Variants in DACH2 observed in about 807,000 individuals in gnomAD.
The protein encoded by DACH2 is dachshund family transcription factor 2, also known as dachshund homolog 2.
In DACH2, 17 loss-of-function variants were observed where a neutral mutation model predicts 35.8. The observed-to-expected ratio is 0.48, with a 90% CI of 0.33 to 0.71. The LOEUF (loss-of-function observed/expected upper bound fraction) is 0.71, where lower values mean the gene tolerates loss of function less well. DACH2 is among the 30% of genes least tolerant of loss of function. The pLI is 0.02. For synonymous variants in DACH2, 195 were observed against 177.3 expected, an observed-to-expected ratio of 1.10 and a Z score of -0.79; for missense variants, 469 against 472.7, an observed-to-expected ratio of 0.99 and a Z score of 0.07.
chrX:86,494,840 C>G (rs2038144014), intron 2 of DACH2, among the ~76,000 whole-genome samples: 1 of 111,811 alleles, frequency 8.9e-6, no homozygotes, highest in Admixed American at 9.5e-5. Flanking sequence ...TATAAATATT[C>G]AAAATGGGCA....
At chrX:86,196,770 T>A (rs1447886813) in intron 1 of DACH2, among the ~76,000 whole-genome samples, 3 of 91,104 alleles carry the variant, frequency 3.3e-5, no homozygotes, top group African/African-American at 1.2e-4. Flanking sequence ...GTAAAGAAAC[T>A]AAATCTATGA....
intron 6 of DACH2, among the ~76,000 whole-genome samples, chrX:86,734,460 A>G (rs1275483719): frequency 9.0e-6 from 1 of 111,411 alleles, no homozygotes; most frequent in African/African-American, 3.3e-5. Context: ...TCACTGTTTC[A>G]TAGACTAATG....
At chrX:86,600,474 A>C (rs2039775782) in intron 3 of DACH2, among the ~76,000 whole-genome samples, 1 of 112,100 alleles carries the variant, frequency 8.9e-6, no homozygotes, top group South Asian at 3.7e-4. Context: ...GGGACTATTC[A>C]TGTTTAGGCA....
intron 2 of DACH2, chrX:86,480,881 A>G (rs1397121609): frequency 8.9e-6 from 1 of 112,319 alleles, no homozygotes; most frequent in Non-Finnish European, 1.9e-5. Flanking sequence ...AACACAGTTT[A>G]TACTAAATCA....
rs1288010699 is a variant in DACH2, at chrX:86,254,803, TATATAGAG to T, written c.488+105697_488+105704del. ...ATAAATATATATATATATATATATA[TATATAGAG>T]AGAGAGAGAGAGAGAGAGAGAGAGA... On this transcript the variant is annotated intron_variant, in intron 1 of 11. Transcript: ENST00000373125. Among the ~76,000 whole-genome samples the T allele has an allele frequency of 2.5e-4, 16 of 65,137 alleles. No individual in the cohort carries two copies. In the East Asian group the frequency reaches 3.7e-3, roughly 15 times the overall value. 56.6% of individuals were successfully genotyped at this position (65,137 alleles called of 115,157 possible).
chrX:86,328,434 T>A (rs1428040311), intron 1 of DACH2, among the ~76,000 whole-genome samples: 1 of 111,745 alleles, frequency 8.9e-6, no homozygotes, highest in Non-Finnish European at 1.9e-5. Context: ...TACTCAAAAT[T>A]GATTTTTCAA....
chrX:86,509,459 G>T (rs1231221071), intron 2 of DACH2, among the ~76,000 whole-genome samples: 2 of 111,392 alleles, frequency 1.8e-5, no homozygotes, highest in African/African-American at 3.3e-5. Flanking sequence ...TTGCTGAATT[G>T]GTTGCTGCTG....
chrX:86,261,267 G>A (rs1026582034), intron 1 of DACH2, among the ~76,000 whole-genome samples: 3 of 112,162 alleles, frequency 2.7e-5, no homozygotes, highest in Admixed American at 9.5e-5. Flanking sequence ...ATTAAAACAC[G>A]TTTGCAGTGA....
At chrX:86,389,839 G>A (rs903241168) in intron 2 of DACH2, among the ~76,000 whole-genome samples, 6 of 112,396 alleles carry the variant, frequency 5.3e-5, no homozygotes, top group African/African-American at 1.9e-4. Flanking sequence ...ACGAGCTTAA[G>A]TGTTCTGCGG....
At chrX:86,721,461 A>T (rs751692427) in intron 6 of DACH2, among the ~76,000 whole-genome samples, 4 of 111,646 alleles carry the variant, frequency 3.6e-5, no homozygotes, top group African/African-American at 1.3e-4. Context: ...CACGTTCCCA[A>T]CAAGTTTTTT....
chrX:86,308,846 G>A (rs912354245), intron 1 of DACH2, among the ~76,000 whole-genome samples: 6 of 111,398 alleles, frequency 5.4e-5, no homozygotes, highest in Admixed American at 9.5e-5. Flanking sequence ...TAAAGTAGGG[G>A]CTTATGGAGG....
intron 1 of DACH2, among the ~76,000 whole-genome samples, chrX:86,348,533 T>C (rs1196621687): frequency 8.9e-6 from 1 of 112,015 alleles, no homozygotes; most frequent in East Asian, 2.8e-4. Flanking sequence ...ACAGAATCAG[T>C]CAGCCATATA....
At chrX:86,226,555 A>C (rs1329293485) in intron 1 of DACH2, among the ~76,000 whole-genome samples, 1 of 111,903 alleles carries the variant, frequency 8.9e-6, no homozygotes, top group East Asian at 2.8e-4. Context: ...CTAGAGATTA[A>C]AGTCTCCATC....
chrX:86,720,621 A>G (rs867266253), intron 6 of DACH2, among the ~76,000 whole-genome samples: 1 of 104,320 alleles, frequency 9.6e-6, no homozygotes, highest in African/African-American at 4.3e-5. Context: ...CCTCCCAGCT[A>G]CTTTCACAGG....
intron 3 of DACH2, among the ~76,000 whole-genome samples, chrX:86,618,240 G>A (rs899547653): frequency 1.3e-4 from 14 of 111,914 alleles, no homozygotes; most frequent in Non-Finnish European, 2.6e-4. Flanking sequence ...ACTCCAGCCT[G>A]GGTCAAGACC....
At chrX:86,753,681 GA>G (rs1357122163) in intron 7 of DACH2, among the ~76,000 whole-genome samples, 2 of 111,489 alleles carry the variant, frequency 1.8e-5, no homozygotes, top group African/African-American at 6.5e-5. Flanking sequence ...ATGTAATGAT[GA>G]GAGATATTAT....
At chrX:86,189,933 G>A (rs903383625) in intron 1 of DACH2, among the ~76,000 whole-genome samples, 3 of 110,314 alleles carry the variant, frequency 2.7e-5, no homozygotes, top group African/African-American at 9.9e-5. Context: ...GGAGGCTGAG[G>A]TGGGCAGATC....
At chrX:86,236,155 A>T (rs1003133362) in intron 1 of DACH2, among the ~76,000 whole-genome samples, 2 of 111,076 alleles carry the variant, frequency 1.8e-5, no homozygotes, top group East Asian at 2.8e-4. Flanking sequence ...TAGATAAGGG[A>T]TACTAAATCC....
At chrX:86,375,053 G>A (rs2035942765) in intron 1 of DACH2, among the ~76,000 whole-genome samples, 1 of 109,612 alleles carries the variant, frequency 9.1e-6, no homozygotes, top group African/African-American at 3.3e-5. Flanking sequence ...AAGCCCTGGA[G>A]TTATAGCTAG....
Sources: gnomAD v4.1 joint callset for allele counts (sites outside exome capture counted in the v4.1 genomes callset) on GRCh38, gnomAD v4.1.1 for gene constraint, MANE v1.5 for transcripts, NCBI Gene and HGNC (gene_info 2026-07-23, HGNC 2026-07-21) for gene names.